The following SYNE1 variants were observed in gnomAD, a reference collection of about 807,000 sequenced individuals.
The protein encoded by SYNE1 is spectrin repeat containing nuclear envelope protein 1.
In SYNE1, 616 loss-of-function variants were observed where a neutral mutation model predicts 1,111.0. The ratio of observed to expected loss-of-function variants is 0.55; its 90% CI spans 0.52 to 0.59. The LOEUF is 0.59. Ranked by LOEUF, SYNE1 falls within the 20% of genes least tolerant of loss-of-function variation. The probability of loss-of-function intolerance (pLI) is 0.00; values close to 1 mark genes in which losing one functional copy is unlikely to be tolerated. For missense variants in SYNE1, 10,006 were observed against 10,417.0 expected (o/e 0.96, Z 1.72); for synonymous variants, 3,855 against 3,825.8 (o/e 1.01, Z -0.28).
At chr6:152,591,810 C>CA (rs1368912019) in intron 3 of SYNE1, among the ~76,000 whole-genome samples, 1 of 151,052 alleles carries the variant, frequency 6.6e-6, no homozygotes, top group African/African-American at 2.4e-5. Flanking sequence ...AAATCAACAG[C>CA]AAAAAAATAA....
At chr6:152,253,860 T>TTTTTTTTTTTTTTTTTTTTTA (rs2090145077) in intron 104 of SYNE1, among the ~76,000 whole-genome samples, 1 of 123,266 alleles carries the variant, frequency 8.1e-6, no homozygotes, top group Non-Finnish European at 1.6e-5. Flanking sequence ...TTTTTTTTTT[T>TTTTTTTTTTTTTTTTTTTTTA]GCAAATCAAA....
intron 95 of SYNE1, among the ~76,000 whole-genome samples, chr6:152,289,481 T>G (rs185191685): frequency 1.3e-3 from 195 of 152,244 alleles, no homozygotes; most frequent in Non-Finnish European, 1.8e-3. Flanking sequence ...ACCTCCACCT[T>G]CCAGGTTCAA....
Position 152,323,650 on chromosome 6 carries a change from T to C in SYNE1, c.15745A>G (p.Thr5249Ala), listed in dbSNP as rs1331476799. ...AEKASKAELL[T>A]LLEYHDTFVL... ...AACGTGTCGTGGTATTCAAGAAGAG[T>C]TAAGAGCTCTGCTTTCGATGCTTTC... The change falls in exon 82 of 146, where the codon ACT becomes GCT. Residue 5249 changes from threonine to alanine, a missense_variant. By Grantham distance (58) the Thr-to-Ala change is moderately conservative (BLOSUM62 0). Around this residue, in one of 7 missense-constraint regions of SYNE1, gnomAD observed 4,955 missense variants for 5,017.2 expected, o/e 0.99. Coordinates refer to ENST00000367255, the MANE Select transcript of SYNE1 (RefSeq NM_182961.4). 1.1e-5 allele frequency: 18 copies of C among 1,614,026 alleles called. No homozygotes were observed. The highest frequency in any genetic ancestry group is 1.4e-5 in the Non-Finnish European group (17 of 1,180,026).
rs191807870 is a variant in SYNE1 at position 152,133,361 on chromosome 6, C to T, written c.25916G>A (p.Gly8639Glu). ...CTTCAAGAGAAGTTTGAGCCGATTT[C>T]CAATAACATGGACTTTTTCTTTGGC... ...LEAKEKVHVI[G>E]NRLKLLLKEV... The change falls in exon 143 of 146, where the codon GGA becomes GAA. Residue 8639 changes from glycine (G) to glutamate (E), a missense_variant. Physicochemically the swap from Gly to Glu is moderately conservative, Grantham distance 98. Around this residue, in one of 7 missense-constraint regions of SYNE1, gnomAD observed 761 missense variants for 795.5 expected, o/e 0.96. Coordinates refer to ENST00000367255, the MANE Select transcript of SYNE1 (RefSeq NM_182961.4). The T allele has an allele frequency of 5.5e-5, 89 of 1,614,158 alleles. No individual in the cohort carries two copies. The highest frequency in any genetic ancestry group is 1.0e-4 in the Admixed American group (6 of 60,024).
intron 38 of SYNE1, among the ~76,000 whole-genome samples, chr6:152,426,859 C>T (rs1189938561): frequency 6.6e-6 from 1 of 152,146 alleles, no homozygotes; most frequent in African/African-American, 2.4e-5. Flanking sequence ...AAGGTGGGGC[C>T]ACAGATTCCG....
chr6:152,394,328 A>G (rs977339035), intron 51 of SYNE1, among the ~76,000 whole-genome samples: 1 of 152,154 alleles, frequency 6.6e-6, no homozygotes, highest in African/African-American at 2.4e-5. Flanking sequence ...TTCTAATATG[A>G]TTGTTTCTGA....
At chr6:152,557,247 A>G (rs1159316761) in intron 3 of SYNE1, among the ~76,000 whole-genome samples, 1 of 152,144 alleles carries the variant, frequency 6.6e-6, no homozygotes, top group Non-Finnish European at 1.5e-5. Flanking sequence ...CAGGCTTGAC[A>G]TTATTCAGTC....
intron 121 of SYNE1, 111 bp from the exon 122 acceptor site, chr6:152,215,171 T>C: frequency 1.6e-6 from 2 of 1,252,506 alleles, no homozygotes; most frequent in Non-Finnish European, 2.3e-6. Context: ...TTCGGTCTAG[T>C]GGCCTCTGCA....
At chr6:152,377,558 G>C (rs1382853863) in intron 56 of SYNE1, among the ~76,000 whole-genome samples, 1 of 135,748 alleles carries the variant, frequency 7.4e-6, no homozygotes, top group East Asian at 2.2e-4. Context: ...GCAGTGAGCC[G>C]AGATCGTGCC....
At chr6:152,476,749 G>A (rs1211265191) in intron 14 of SYNE1, among the ~76,000 whole-genome samples, 3 of 151,874 alleles carry the variant, frequency 2.0e-5, no homozygotes, top group Admixed American at 2.0e-4. Context: ...CATGCCTGTA[G>A]TCCCACCTTC....
At chr6:152,365,633 TG>T (rs2097059891) in intron 62 of SYNE1, among the ~76,000 whole-genome samples, 1 of 146,884 alleles carries the variant, frequency 6.8e-6, no homozygotes, top group Non-Finnish European at 1.5e-5. Flanking sequence ...CTAATTTAAA[TG>T]TTTTTTTTTT....
intron 98 of SYNE1, among the ~76,000 whole-genome samples, chr6:152,276,814 C>A (rs1298864286): frequency 2.0e-5 from 3 of 150,290 alleles, no homozygotes; most frequent in Admixed American, 6.6e-5. Context: ...AGCTAATGGG[C>A]TTCTAAACTA....
At chr6:152,554,508 T>C (rs2099358560) in intron 3 of SYNE1, among the ~76,000 whole-genome samples, 1 of 152,240 alleles carries the variant, frequency 6.6e-6, no homozygotes, top group Non-Finnish European at 1.5e-5. Context: ...CATAGCTTTC[T>C]TGAGGCAGCC....
At chr6:152,353,778 A>G (rs2096783858) in intron 67 of SYNE1, 34 bp from the exon 68 acceptor site, 1 of 1,612,142 alleles carries the variant, frequency 6.2e-7, no homozygotes, top group Admixed American at 1.7e-5. Flanking sequence ...GAAAGATTCA[A>G]TCTTAGCCAT....
chr6:152,356,101 T>G (rs973712665), intron 66 of SYNE1, among the ~76,000 whole-genome samples: 1 of 152,144 alleles, frequency 6.6e-6, no homozygotes, highest in Non-Finnish European at 1.5e-5. Flanking sequence ...AATTCAAGGT[T>G]GGCAAACTTT....
Position 152,148,048 on chromosome 6 carries a change from A to G in SYNE1, c.24973T>C (p.Ser8325Pro). The G allele has an allele frequency of 2.5e-6, 4 of 1,613,764 alleles. No individual in the cohort carries two copies. Among genetic ancestry groups the G allele is most frequent in the Non-Finnish European group, 3.4e-6 (4 of 1,179,940 alleles). The change falls in exon 137 of 146, where the codon TCA (serine) becomes CCA (proline). Residue 8325 changes from serine to proline, a missense_variant. Transcript: ENST00000367255. The surrounding 1 kb of genome is among the most constrained non-coding windows in gnomAD (Gnocchi z 4.1). Reference protein sequence around the residue: ...DFYLRGAVGLSGDHSALESQI... With the variant: ...DFYLRGAVGLPGDHSALESQI... ...AACTGGAGAGGCTCTTTCCTACCTG[A>G]TAAGCCAACAGCTCCCCGGAGGTAG...
intron 3 of SYNE1, among the ~76,000 whole-genome samples, chr6:152,602,528 T>G (rs2099598639): frequency 6.6e-6 from 1 of 152,190 alleles, no homozygotes; most frequent in African/African-American, 2.4e-5. Context: ...ATGACCATCC[T>G]AGCAAGGTAA....
intron 37 of SYNE1, 130 bp downstream of exon 37, chr6:152,428,075 A>G (rs2098387269): frequency 7.7e-7 from 1 of 1,299,718 alleles, no homozygotes; most frequent in Admixed American, 1.7e-5. Context: ...AAAGATCAAG[A>G]GTTTCCTACA....
At chr6:152,624,518 G>A (rs559780942) in intron 3 of SYNE1, among the ~76,000 whole-genome samples, 1 of 152,270 alleles carries the variant, frequency 6.6e-6, no homozygotes, top group South Asian at 2.1e-4. Flanking sequence ...CCTGTTAAAT[G>A]GATCCCCTTT....
Sources: allele counts gnomAD v4.1 joint callset (sites outside exome capture counted in the v4.1 genomes callset), GRCh38; gene constraint gnomAD v4.1.1; regional missense constraint gnomAD v4.1.1; non-coding constraint Gnocchi (gnomAD v3.1); transcripts MANE v1.5; gene names NCBI Gene and HGNC (gene_info 2026-07-23, HGNC 2026-07-21).